CLNS1A: variants seen among roughly 807,000 people sequenced by gnomAD.
CLNS1A encodes chloride nucleotide-sensitive channel 1A.
CLNS1A carries 16 observed loss-of-function variants against 29.4 expected under a neutral mutation model. That is an observed-to-expected ratio of 0.54 (90% CI 0.37 to 0.83). CLNS1A has a LOEUF of 0.83. Ranked by LOEUF, CLNS1A falls within the 40% of genes least tolerant of loss-of-function variation. CLNS1A has a pLI of 0.00. For synonymous variants in CLNS1A, 96 were observed against 104.8 expected, an observed-to-expected ratio of 0.92 and a Z score of 0.51; for missense variants, 235 against 287.4, an observed-to-expected ratio of 0.82 and a Z score of 1.32.
chr11:77,630,472 A>G (rs1959062964), intron 1 of CLNS1A, among the ~76,000 whole-genome samples: 1 of 152,228 alleles, frequency 6.6e-6, no homozygotes, highest in African/African-American at 2.4e-5. Flanking sequence ...CATGAATCCT[A>G]CACTAAAAGA....
rs144656096 is a variant in CLNS1A, at chr11:77,622,605, C to T, written c.541G>A (p.Gly181Ser). 10 of 1,613,738 alleles carry T rather than the reference C, an allele frequency of 6.2e-6. No homozygotes were observed. The Admixed American group carries it at 8.3e-5, about 13-fold the overall frequency. Reference protein sequence around the residue: ...EEGLSHLTAEGQATLERLEGM... With the variant: ...EEGLSHLTAESQATLERLEGM... ...TCTAATCTCTCCAGTGTGGCTTGGC[C>T]TTCTGCTGTTAGATGGGATAATCCT... Residue 181 changes from glycine (G) to serine (S), a missense_variant, in exon 5 of 7, where the codon GGC (glycine) becomes AGC (serine). By Grantham distance (56) the Gly-to-Ser change is moderately conservative. Transcript: ENST00000525428.
chr11:77,625,325 G>A (rs1365012549), intron 3 of CLNS1A: 4 of 501,094 alleles, frequency 8.0e-6, no homozygotes, highest in African/African-American at 7.8e-5. Context: ...TAAGACTGCT[G>A]GCATCAGGGT....
intron 1 of CLNS1A, among the ~76,000 whole-genome samples, chr11:77,637,174 T>G (rs1444659303): frequency 7.2e-6 from 1 of 138,868 alleles, no homozygotes; most frequent in Non-Finnish European, 1.5e-5. Context: ...CAGGCACACT[T>G]CAGACCCTTA....
intron 3 of CLNS1A, chr11:77,625,502 G>C (rs545549112): frequency 7.8e-6 from 4 of 510,196 alleles, no homozygotes; most frequent in Non-Finnish European, 1.4e-5. Context: ...CCAGATGACA[G>C]AGTGTCTACA....
At chr11:77,623,434 T>C (rs1293167101) in intron 4 of CLNS1A, among the ~76,000 whole-genome samples, 4 of 151,406 alleles carry the variant, frequency 2.6e-5, no homozygotes, top group Non-Finnish European at 5.9e-5. Flanking sequence ...TCCAAAAAAA[T>C]GTTTTTTTTA....
At chr11:77,626,868 A>T (rs1187503093) in intron 2 of CLNS1A, among the ~76,000 whole-genome samples, 1 of 148,856 alleles carries the variant, frequency 6.7e-6, no homozygotes, top group East Asian at 2.1e-4. Flanking sequence ...ATTTTTTTGT[A>T]TTTTTTTTAG....
chr11:77,624,611 G>A (rs572270924), intron 4 of CLNS1A, among the ~76,000 whole-genome samples: 1 of 152,150 alleles, frequency 6.6e-6, no homozygotes, highest in Admixed American at 6.5e-5. Flanking sequence ...CCTGAGGTCG[G>A]GAGTTCAAGA....
chr11:77,619,966 A>G (rs536418598), intron 5 of CLNS1A, among the ~76,000 whole-genome samples: 3 of 152,360 alleles, frequency 2.0e-5, no homozygotes, highest in African/African-American at 7.2e-5. Context: ...TGCAGTATCA[A>G]TTGTTCACCC....
chr11:77,627,139 A>T (rs1028996314), intron 2 of CLNS1A, among the ~76,000 whole-genome samples: 3 of 151,870 alleles, frequency 2.0e-5, no homozygotes, highest in Admixed American at 2.0e-4. Flanking sequence ...GTTTAAGATA[A>T]AAAGAACTAA....
intron 5 of CLNS1A, among the ~76,000 whole-genome samples, chr11:77,620,510 T>G (rs1023187510): frequency 6.6e-6 from 1 of 152,062 alleles, no homozygotes; most frequent in African/African-American, 2.4e-5. Context: ...ACGGAAAGAG[T>G]TGTCTTGGCC....
chr11:77,620,383 G>A lies in CLNS1A; in HGVS notation c.647-688C>T, dbSNP rs571324586. Among the ~76,000 whole-genome samples the A allele has an allele frequency of 2.0e-5, 3 of 152,316 alleles. No individual in the cohort carries two copies. The East Asian group carries it at 5.8e-4, about 29-fold the overall frequency. The stretch of plus-strand genomic sequence containing the variant: ...TTGCTCCTCGTCTTCCACCACGATT[G>A]TGAGGTTTCCCCAGCCATATGGAAC... On this transcript the variant is annotated intron_variant, in intron 5 of 6. Transcript: ENST00000525428.
At chr11:77,625,293 G>A (rs1051036502) in intron 3 of CLNS1A, 4 of 527,766 alleles carry the variant, frequency 7.6e-6, no homozygotes, top group Non-Finnish European at 6.7e-6. Context: ...GATTTTCCAA[G>A]AAAAAAGGGT....
At chr11:77,618,794 G>C (rs1352019935) in intron 6 of CLNS1A, 1 of 152,218 alleles carries the variant, frequency 6.6e-6, no homozygotes, top group Non-Finnish European at 1.5e-5. Flanking sequence ...GAAGAAAAGA[G>C]AAGGAATTCT....
At chr11:77,623,112 C>G (rs1019445834) in intron 4 of CLNS1A, among the ~76,000 whole-genome samples, 1 of 151,806 alleles carries the variant, frequency 6.6e-6, no homozygotes, top group Non-Finnish European at 1.5e-5. Context: ...AAAGAGATAA[C>G]AAGCCAGTAA....
intron 5 of CLNS1A, among the ~76,000 whole-genome samples, chr11:77,621,184 T>A (rs1355289503): frequency 1.3e-5 from 2 of 152,092 alleles, no homozygotes; most frequent in Non-Finnish European, 2.9e-5. Context: ...TCCCTGCTAC[T>A]CAGGAGGCTG....
intron 5 of CLNS1A, among the ~76,000 whole-genome samples, chr11:77,622,274 T>C (rs944845466): frequency 6.6e-6 from 1 of 152,136 alleles, no homozygotes; most frequent in African/African-American, 2.4e-5. Context: ...TTGCGCACAT[T>C]AAAAAAATTT....
At chr11:77,632,414 T>C (rs1369075213) in intron 1 of CLNS1A, among the ~76,000 whole-genome samples, 1 of 152,204 alleles carries the variant, frequency 6.6e-6, no homozygotes, top group East Asian at 1.9e-4. Flanking sequence ...AAACATAGAA[T>C]GAGTGCCTAT....
intron 1 of CLNS1A, among the ~76,000 whole-genome samples, chr11:77,634,767 G>C (rs919331003): frequency 1.3e-5 from 2 of 149,860 alleles, no homozygotes; most frequent in Non-Finnish European, 3.0e-5. Context: ...AAACATAAGA[G>C]ATTTGTTTGT....
intron 2 of CLNS1A, 143 bp downstream of exon 2, chr11:77,629,619 CT>C (rs1170089909): frequency 2.9e-5 from 19 of 650,966 alleles, no homozygotes; most frequent in Non-Finnish European, 4.8e-5. Flanking sequence ...TGGTCTCGAT[CT>C]CCTGACCTTG....
Sources: gnomAD v4.1 joint callset for allele counts (sites outside exome capture counted in the v4.1 genomes callset) on GRCh38, gnomAD v4.1.1 for gene constraint, MANE v1.5 for transcripts, NCBI Gene and HGNC (gene_info 2026-07-23, HGNC 2026-07-21) for gene names.